Variants in LEPROT observed in about 807,000 individuals in gnomAD.
LEPROT encodes the protein leptin receptor gene-related protein.
Under a neutral mutation model 15.4 loss-of-function variants are expected in LEPROT, and 3 were observed. The observed-to-expected ratio is 0.19, with a 90% CI of 0.09 to 0.50. The LOEUF (loss-of-function observed/expected upper bound fraction) is 0.50. Among genes scored for constraint, LEPROT ranks in the 20% least tolerant of loss-of-function variants. LEPROT has a pLI of 0.97. For synonymous variants in LEPROT, 59 were observed against 57.5 expected (o/e 1.03, Z -0.12); for missense variants, 137 against 162.2 (o/e 0.84, Z 0.84).
Position 65,431,951 on chromosome 1 carries a change from C to A in LEPROT, c.*32C>A. The A allele has an allele frequency of 6.2e-7, 1 of 1,604,406 alleles. No homozygotes were observed. The highest frequency in any genetic ancestry group is 1.1e-5 in the South Asian group (1 of 89,056). ...ATTCTGATTACAGTGCATTGAATTT[C>A]TTAGAACTCATACTATCTGTATACA... On this transcript the variant is annotated 3_prime_UTR_variant, in exon 4 of 4. Coordinates refer to ENST00000371065, the MANE Select transcript of LEPROT (RefSeq NM_017526.5).
chr1:65,433,425 C>G lies in LEPROT; in HGVS notation c.*1506C>G, dbSNP rs370553100. 8 of 985,170 alleles carry G rather than the reference C, an allele frequency of 8.1e-6. No homozygotes were observed. In the African/African-American group the frequency reaches 1.4e-4, roughly 17 times the overall value. 61.0% of individuals were successfully genotyped at this position (985,170 alleles called of 1,614,324 possible). ...CCCTGCTCACCTTTTTGTCTAAGAT[C>G]TATTGAGAAAGGGAAATATGGGAAG... On this transcript the variant is annotated 3_prime_UTR_variant, in exon 4 of 4. Coordinates refer to ENST00000371065, the MANE Select transcript of LEPROT (RefSeq NM_017526.5).
chr1:65,422,452 T>C (rs1364076157), intron 1 of LEPROT, among the ~76,000 whole-genome samples: 1 of 152,220 alleles, frequency 6.6e-6, no homozygotes, highest in Non-Finnish European at 1.5e-5. Flanking sequence ...AAGTCCAGCC[T>C]CCAGAACTGT....
At chr1:65,422,307 G>A (rs1646266433) in intron 1 of LEPROT, among the ~76,000 whole-genome samples, 1 of 152,176 alleles carries the variant, frequency 6.6e-6, no homozygotes, top group African/African-American at 2.4e-5. Flanking sequence ...GAGTGATGCA[G>A]CTACAAAGTC....
intron 1 of LEPROT, 92 bp downstream of exon 1, chr1:65,420,832 G>C (rs1293030822): frequency 1.4e-6 from 2 of 1,458,052 alleles, no homozygotes; most frequent in Admixed American, 2.0e-5. Context: ...CGCGCCGTTG[G>C]GGAACGGCCT....
intron 3 of LEPROT, among the ~76,000 whole-genome samples, chr1:65,431,535 T>C (rs1363303903): frequency 6.6e-6 from 1 of 152,246 alleles, no homozygotes; most frequent in Non-Finnish European, 1.5e-5. Context: ...TGAGTTTTAC[T>C]TAAGGCAATC....
chr1:65,430,527 ACTTT>A (rs1646465946), intron 3 of LEPROT, among the ~76,000 whole-genome samples: 1 of 152,114 alleles, frequency 6.6e-6, no homozygotes, highest in African/African-American at 2.4e-5. Context: ...CAAGACAAAA[ACTTT>A]CTTTTTGTCT....
At chr1:65,428,957 T>C (rs1646431805) in intron 2 of LEPROT, among the ~76,000 whole-genome samples, 1 of 152,140 alleles carries the variant, frequency 6.6e-6, no homozygotes, top group Admixed American at 6.5e-5. Flanking sequence ...TTTTCACTAG[T>C]GAGCATATTT....
At chr1:65,424,230 A>G (rs540955740) in intron 1 of LEPROT, among the ~76,000 whole-genome samples, 1 of 152,382 alleles carries the variant, frequency 6.6e-6, no homozygotes, top group South Asian at 2.1e-4. Flanking sequence ...TATTTTATTC[A>G]GTGCACACTA....
intron 2 of LEPROT, among the ~76,000 whole-genome samples, chr1:65,428,237 A>G (rs1304087909): frequency 6.6e-6 from 1 of 152,188 alleles, no homozygotes; most frequent in Non-Finnish European, 1.5e-5. Flanking sequence ...TTGTACATTA[A>G]TATTTCTCTT....
At chr1:65,422,036 T>C (rs1023428537) in intron 1 of LEPROT, among the ~76,000 whole-genome samples, 4 of 152,194 alleles carry the variant, frequency 2.6e-5, no homozygotes, top group African/African-American at 9.7e-5. Flanking sequence ...TGTCAGTGTT[T>C]ATGTTGGGCT....
At chr1:65,429,063 C>T (rs1460995135) in intron 2 of LEPROT, among the ~76,000 whole-genome samples, 1 of 151,978 alleles carries the variant, frequency 6.6e-6, no homozygotes, top group Non-Finnish European at 1.5e-5. Context: ...AGATAAATGG[C>T]GTTTGATCAA....
intron 1 of LEPROT, chr1:65,421,581 C>T: frequency 8.9e-7 from 1 of 1,128,870 alleles, no homozygotes; most frequent in South Asian, 1.4e-5. Flanking sequence ...CTGCTATAAA[C>T]ATGTAGATAG....
Position 65,435,251 on chromosome 1 carries a change from G to T in LEPROT, c.*3332G>T. ...GTCCTAAGGAAGTCCTTACCTCTGA[G>T]GTATCTCCTCAATGAATACTGTTTT... On this transcript the variant is annotated 3_prime_UTR_variant, in exon 4 of 4. Transcript: ENST00000371065. The T allele has an allele frequency of 1.1e-5, 11 of 984,822 alleles. No homozygotes were observed. The highest frequency in any genetic ancestry group is 1.3e-5 in the Non-Finnish European group (11 of 829,534). The allele number at this position is 984,822 out of a possible 1,614,324, so 61.0% of individuals were successfully genotyped here.
At chr1:65,424,664 TG>T (rs1646322637) in intron 1 of LEPROT, among the ~76,000 whole-genome samples, 1 of 152,214 alleles carries the variant, frequency 6.6e-6, no homozygotes, top group African/African-American at 2.4e-5. Flanking sequence ...TTCTGAAGAC[TG>T]GGAAGTCCAA....
rs1646520799 is a variant in LEPROT, at chr1:65,433,806, A to G, written c.*1887A>G. On this transcript the variant is annotated 3_prime_UTR_variant, in exon 4 of 4. Transcript: ENST00000371065. ...AATAAATTTCACTTTTAACTTTAAA[A>G]GTTTAACTTTAAAATTTTTTTGTGA... is the stretch of plus-strand genomic sequence containing the variant. 2.1e-6 allele frequency: 2 copies of G among 974,614 alleles called. No individual in the cohort carries two copies. Among genetic ancestry groups the G allele is most frequent in the Non-Finnish European group, 2.4e-6 (2 of 820,266 alleles). The allele number at this position is 974,614 out of a possible 1,614,324, so 60.4% of individuals were successfully genotyped here. A position where few individuals can be genotyped will look rare whatever the true frequency, so the allele number is the denominator to read the frequency against.
Position 65,433,842 on chromosome 1 carries a change from C to T in LEPROT, c.*1923C>T, listed in dbSNP as rs1352755018. ...AAAATTTTTTTGTGATGTTGCCTTG[C>T]CTGAAAAGATAACAAAAATGAGAGA... On this transcript the variant is annotated 3_prime_UTR_variant, in exon 4 of 4. Transcript: ENST00000371065. The T allele has an allele frequency of 4.1e-5, 40 of 984,626 alleles. No homozygotes were observed. The highest frequency in any genetic ancestry group is 4.3e-5 in the Non-Finnish European group (36 of 829,572). 61.0% of individuals were successfully genotyped at this position (984,626 alleles called of 1,614,324 possible). A position where few individuals can be genotyped will look rare whatever the true frequency, so the allele number is the denominator to read the frequency against.
At chr1:65,424,861 C>T (rs1557580216) in intron 1 of LEPROT, among the ~76,000 whole-genome samples, 1 of 152,130 alleles carries the variant, frequency 6.6e-6, no homozygotes, top group Non-Finnish European at 1.5e-5. Context: ...CTCATCTGAA[C>T]CTAATTATCT....
In LEPROT at chr1:65,433,402, C is replaced by G. The variant is rs775621467; in HGVS notation, c.*1483C>G. ...TTGGATCCTGTAATCACAGTTTTCC[C>G]TGCTCACCTTTTTGTCTAAGATCTA... On this transcript the variant is annotated 3_prime_UTR_variant, in exon 4 of 4. Transcript: ENST00000371065. 1.8e-5 allele frequency: 18 copies of G among 985,320 alleles called. No homozygotes were observed. Among genetic ancestry groups the G allele is most frequent in the Non-Finnish European group, 2.0e-5 (17 of 829,948 alleles). 61.0% of individuals were successfully genotyped at this position (985,320 alleles called of 1,614,324 possible). A position where few individuals can be genotyped will look rare whatever the true frequency, so the allele number is the denominator to read the frequency against.
rs1191758800 is a variant in LEPROT at position 65,435,035 on chromosome 1, G to A, written c.*3116G>A. ...TTTAGAGAATGCCTCATAACCCACT[G>A]ATTCTCATTCACAGAGAATGGGAGA... On this transcript the variant is annotated 3_prime_UTR_variant, in exon 4 of 4. Coordinates refer to ENST00000371065, the MANE Select transcript of LEPROT (RefSeq NM_017526.5). The A allele has an allele frequency of 3.0e-6, 3 of 985,288 alleles. No homozygotes were observed. Among genetic ancestry groups the A allele is most frequent in the Admixed American group, 1.2e-4 (2 of 16,264 alleles). 61.0% of individuals were successfully genotyped at this position (985,288 alleles called of 1,614,324 possible).
Sources: allele counts gnomAD v4.1 joint callset (sites outside exome capture counted in the v4.1 genomes callset), GRCh38; gene constraint gnomAD v4.1.1; transcripts MANE v1.5; gene names NCBI Gene and HGNC (gene_info 2026-07-23, HGNC 2026-07-21).